ADCY2: variants seen among roughly 807,000 people sequenced by gnomAD.
The protein encoded by ADCY2 is adenylate cyclase 2.
Under a neutral mutation model 125.2 loss-of-function variants are expected in ADCY2, and 31 were observed. That is an observed-to-expected ratio of 0.25 (90% CI 0.19 to 0.33). ADCY2 has a LOEUF of 0.33. Ranked by LOEUF, ADCY2 falls within the 10% of genes least tolerant of loss-of-function variation. The probability of loss-of-function intolerance (pLI) is 1.00; values close to 1 mark genes in which losing one functional copy is unlikely to be tolerated. For missense variants in ADCY2, 904 were observed against 1,418.2 expected, an observed-to-expected ratio of 0.64 and a Z score of 5.82; for synonymous variants, 512 against 548.4, an observed-to-expected ratio of 0.93 and a Z score of 0.93.
At chr5:7,792,166 G>A (rs1234806181) in intron 20 of ADCY2, among the ~76,000 whole-genome samples, 1 of 140,750 alleles carries the variant, frequency 7.1e-6, no homozygotes, top group African/African-American at 2.7e-5. Flanking sequence ...GAGGTCAGGA[G>A]TTCAAGACCA....
intron 2 of ADCY2, among the ~76,000 whole-genome samples, chr5:7,485,537 G>A (rs1381197437): frequency 6.6e-6 from 1 of 152,078 alleles, no homozygotes; most frequent in East Asian, 1.9e-4. Context: ...TTTTGCTGAT[G>A]GAGTGAAGGT....
intron 4 of ADCY2, among the ~76,000 whole-genome samples, chr5:7,651,628 C>G (rs1021306271): frequency 5.3e-5 from 8 of 152,102 alleles, no homozygotes; most frequent in Non-Finnish European, 1.0e-4. Context: ...GAGGGTGGGT[C>G]TGCCTTTCCC....
chr5:7,728,226 A>G (rs1741991038), intron 14 of ADCY2, among the ~76,000 whole-genome samples: 1 of 152,182 alleles, frequency 6.6e-6, no homozygotes, highest in African/African-American at 2.4e-5. Flanking sequence ...GAACGTGCTG[A>G]GCAAACTACA....
chr5:7,723,661 G>A (rs1001180731), intron 12 of ADCY2, among the ~76,000 whole-genome samples: 4 of 152,000 alleles, frequency 2.6e-5, no homozygotes, highest in Admixed American at 2.6e-4. Flanking sequence ...GGTGGCTCAC[G>A]CCTGTTATCC....
intron 4 of ADCY2, among the ~76,000 whole-genome samples, chr5:7,650,709 A>G (rs1318607037): frequency 6.6e-6 from 1 of 152,190 alleles, no homozygotes; most frequent in Non-Finnish European, 1.5e-5. Context: ...CAGAGTGTGA[A>G]CTGTGATTTT....
intron 22 of ADCY2, among the ~76,000 whole-genome samples, chr5:7,815,434 G>A (rs1745078203): frequency 6.6e-6 from 1 of 152,320 alleles, no homozygotes; most frequent in South Asian, 2.1e-4. Flanking sequence ...CAGCCCAGCA[G>A]GCAGGCTGGA....
intron 3 of ADCY2, among the ~76,000 whole-genome samples, chr5:7,533,129 A>G (rs1237184863): frequency 1.3e-5 from 2 of 150,622 alleles, no homozygotes; most frequent in Non-Finnish European, 3.0e-5. Flanking sequence ...ATATATGCAT[A>G]TACACACTAT....
intron 20 of ADCY2, among the ~76,000 whole-genome samples, chr5:7,790,200 G>A (rs573701584): frequency 1.8e-4 from 25 of 137,702 alleles, no homozygotes; most frequent in African/African-American, 6.1e-4. Context: ...AAGAGGCAAC[G>A]TTAAACCATG....
At chr5:7,521,360 A>T (rs1484594391) in intron 3 of ADCY2, among the ~76,000 whole-genome samples, 2 of 146,052 alleles carry the variant, frequency 1.4e-5, no homozygotes, top group South Asian at 2.1e-4. Context: ...TATGAGCATT[A>T]AAAAAAAAGT....
At position 7,572,298 on chromosome 5, in the gene ADCY2, A is replaced by G. The variant is rs546702624; in HGVS notation, c.570+51399A>G. Among the ~76,000 whole-genome samples the G allele has an allele frequency of 7.2e-5, 11 of 152,254 alleles. No homozygotes were observed. The South Asian group carries it at 1.7e-3, about 23-fold the overall frequency. On this transcript the variant is annotated intron_variant, in intron 3 of 24. Coordinates refer to ENST00000338316, the MANE Select transcript of ADCY2 (RefSeq NM_020546.3). The stretch of plus-strand genomic sequence containing the variant: ...GTATAAATGTTTCTTTTTCTCCACA[A>G]ACTTGCCAGCATCTGTTACTCTTTT...
intron 2 of ADCY2, among the ~76,000 whole-genome samples, chr5:7,452,797 T>G (rs942906599): frequency 6.6e-6 from 1 of 152,180 alleles, no homozygotes; most frequent in Non-Finnish European, 1.5e-5. Flanking sequence ...ACTATTCTGG[T>G]TAGGGTAATG....
chr5:7,769,068 GTT>G (rs1481101673), intron 17 of ADCY2, among the ~76,000 whole-genome samples: 1 of 152,302 alleles, frequency 6.6e-6, no homozygotes, highest in East Asian at 1.9e-4. Context: ...AGCATGCCCA[GTT>G]CACTGCTGGT....
intron 9 of ADCY2, 110 bp downstream of exon 9, chr5:7,707,948 C>A: frequency 8.2e-7 from 1 of 1,226,468 alleles, no homozygotes; most frequent in Non-Finnish European, 1.1e-6. Context: ...ACTCTTTGTC[C>A]CCAAAATATT....
chr5:7,814,883 A>G (rs1745060332), intron 22 of ADCY2, among the ~76,000 whole-genome samples: 1 of 152,130 alleles, frequency 6.6e-6, no homozygotes, highest in African/African-American at 2.4e-5. Context: ...TAAGGCCCGC[A>G]GCAGCCCCAG....
intron 12 of ADCY2, among the ~76,000 whole-genome samples, chr5:7,722,611 G>A (rs1741794986): frequency 6.6e-6 from 1 of 151,798 alleles, no homozygotes; most frequent in Admixed American, 6.6e-5. Flanking sequence ...TACCAAAAAA[G>A]TTTGTTTCCC....
chr5:7,824,483 T>C (rs748985431), intron 24 of ADCY2, among the ~76,000 whole-genome samples: 1 of 152,174 alleles, frequency 6.6e-6, no homozygotes, highest in Non-Finnish European at 1.5e-5. Context: ...CCACTTTTGG[T>C]GGAAGGCCGC....
intron 2 of ADCY2, among the ~76,000 whole-genome samples, chr5:7,509,003 G>T (rs80345594): frequency 0.018 from 2,721 of 152,260 alleles, 70 homozygotes; most frequent in African/African-American, 0.061. Context: ...TTAATTATTG[G>T]TAGAAAGTTT....
intron 24 of ADCY2, among the ~76,000 whole-genome samples, chr5:7,822,361 T>G (rs991014862): frequency 2.4e-4 from 36 of 152,350 alleles, no homozygotes; most frequent in Non-Finnish European, 4.0e-4. Flanking sequence ...ATACTAGAAT[T>G]TCATTCAATT....
intron 13 of ADCY2, among the ~76,000 whole-genome samples, chr5:7,724,984 A>C (rs1202328519): frequency 6.6e-6 from 1 of 152,216 alleles, no homozygotes; most frequent in African/African-American, 2.4e-5. Context: ...TCTTTACACA[A>C]ATTATTTTAA....
Sources: gnomAD v4.1 joint callset for allele counts (sites outside exome capture counted in the v4.1 genomes callset) on GRCh38, gnomAD v4.1.1 for gene constraint, MANE v1.5 for transcripts, NCBI Gene and HGNC (gene_info 2026-07-23, HGNC 2026-07-21) for gene names.